ZNF397: variants seen among roughly 807,000 people sequenced by gnomAD.
ZNF397 encodes the protein zinc finger and SCAN domain-containing protein 15.
Under a neutral mutation model 50.6 loss-of-function variants are expected in ZNF397, and 38 were observed. The ratio of observed to expected loss-of-function variants is 0.75; its 90% CI spans 0.58 to 0.98. The LOEUF (loss-of-function observed/expected upper bound fraction) is 0.98, where lower values mean the gene tolerates loss of function less well. Ranked by LOEUF, ZNF397 falls within the 50% of genes least tolerant of loss-of-function variation. The pLI, the probability that ZNF397 is intolerant of heterozygous loss-of-function variation, is 0.00. For missense variants in ZNF397, 624 were observed against 624.1 expected (o/e 1.00, Z 0.00); for synonymous variants, 228 against 215.2 (o/e 1.06, Z -0.52).
At position 35,242,899 on chromosome 18, in the gene ZNF397, A is replaced by T. The variant is rs377389624; in HGVS notation, c.414+15A>T. 3 of 1,583,322 alleles carry T rather than the reference A, an allele frequency of 1.9e-6. No individual in the cohort carries two copies. Among genetic ancestry groups the T allele is most frequent in the Non-Finnish European group, 2.6e-6 (3 of 1,165,706 alleles). ...CAGGGCAGCAGGTGGGAACGGAGAA[A>T]AGTGATGTGGGAAAAGGAATTTACA... is the stretch of plus-strand genomic sequence containing the variant. On this transcript the variant is annotated intron_variant, in intron 2 of 3. Transcript: ENST00000330501.
At chr18:35,254,079 A>T (rs2043700028), downstream of ZNF397, 4 of 1,613,994 alleles carry the variant, frequency 2.5e-6, no homozygotes, top group African/African-American at 5.3e-5. Flanking sequence ...ATATCATTTG[A>T]ATTCATACTG....
chr18:35,252,119 G>C (rs1436300094), downstream of ZNF397: 2 of 152,186 alleles, frequency 1.3e-5, no homozygotes, highest in African/African-American at 4.8e-5. Context: ...CATAAAGCCT[G>C]GCTCAGAATC....
At position 35,245,709 on chromosome 18, in the gene ZNF397, A is replaced by C; in HGVS notation, c.1004A>C (p.His335Pro). The C allele has an allele frequency of 6.4e-7, 1 of 1,552,190 alleles. No individual in the cohort carries two copies. The highest frequency in any genetic ancestry group is 8.7e-7 in the Non-Finnish European group (1 of 1,147,210). The change falls in exon 4 of 4, where the codon CAT becomes CCT. Residue 335 changes from histidine (H) to proline (P), a missense_variant. Transcript: ENST00000330501. Reference sequence around the variant, plus strand: ...TATCTTATTATTCATCAGAGAATTCATAGTGGTGAGAAAGCATATGAATGT... The same window carrying C: ...TATCTTATTATTCATCAGAGAATTCCTAGTGGTGAGAAAGCATATGAATGT... ...RSYLIIHQRI[H>P]SGEKAYECSE...
Position 35,246,276 on chromosome 18 carries a change from T to TCAAAGAGTCCACAC in ZNF397, c.1571_1572insCAAAGAGTCCACAC (p.Met525LysfsTer14). ...AAGGCTTTCAGGCACAGATCGGTCC[T>TCAAAGAGTCCACAC]TATGCGCCATCAAAGAGTCCACACT... On this transcript the variant is annotated frameshift_variant, in exon 4 of 4. Coordinates refer to ENST00000330501, the MANE Select transcript of ZNF397 (RefSeq NM_001135178.3). LOFTEE classifies it high-confidence loss of function. 3 of 1,550,726 alleles carry TCAAAGAGTCCACAC rather than the reference T, an allele frequency of 1.9e-6. No individual in the cohort carries two copies. The highest frequency in any genetic ancestry group is 2.6e-6 in the Non-Finnish European group (3 of 1,146,606).
downstream of ZNF397, chr18:35,254,462 T>G (rs766223504): frequency 6.2e-7 from 1 of 1,603,988 alleles, no homozygotes; most frequent in Admixed American, 1.7e-5. Flanking sequence ...ACAAACTCAA[T>G]GAAATAGGTA....
intron 5 of ZNF397, among the ~76,000 whole-genome samples, chr18:35,256,708 C>A (rs1007568335): frequency 6.6e-6 from 1 of 152,084 alleles, no homozygotes; most frequent in Non-Finnish European, 1.5e-5. Context: ...ATAAGAGGCT[C>A]TTTGGAGGAG....
chr18:35,244,882 G>T (rs530763152), intron 3 of ZNF397, among the ~76,000 whole-genome samples: 1 of 151,900 alleles, frequency 6.6e-6, no homozygotes, highest in African/African-American at 2.4e-5. Context: ...GTGAGGTTGC[G>T]AAACCACTTG....
intron 3 of ZNF397, among the ~76,000 whole-genome samples, chr18:35,244,624 G>C (rs1172140739): frequency 6.6e-6 from 1 of 152,174 alleles, no homozygotes; most frequent in Admixed American, 6.5e-5. Flanking sequence ...ATCACTGGAA[G>C]AGAATGTCTC....
intron 1 of ZNF397, chr18:35,241,505 A>G (rs1013271588): frequency 3.3e-5 from 5 of 152,238 alleles, no homozygotes; most frequent in African/African-American, 9.6e-5. Flanking sequence ...ATACATTCCT[A>G]TCGATATCTC....
chr18:35,249,667 A>C lies in ZNF397; in HGVS notation c.*3357A>C, dbSNP rs1340256726. 2.0e-5 allele frequency: 3 copies of C among 149,556 alleles called. No individual in the cohort carries two copies. The highest frequency in any genetic ancestry group is 3.9e-4 in the East Asian group (2 of 5,174). 9.3% of individuals were successfully genotyped at this position (149,556 alleles called of 1,614,324 possible). A position where few individuals can be genotyped will look rare whatever the true frequency, so the allele number is the denominator to read the frequency against. The stretch of plus-strand genomic sequence containing the variant: ...GACTGTGTCTCAAAAAAAAAAAAAA[A>C]AAAAAAAAAAACACTGATGTCAATT... On this transcript the variant is annotated 3_prime_UTR_variant, in exon 4 of 4. Coordinates refer to ENST00000330501, the MANE Select transcript of ZNF397 (RefSeq NM_001135178.3).
chr18:35,245,665 G>T lies in ZNF397; in HGVS notation c.960G>T (p.Lys320Asn), dbSNP rs1418059220. 6.4e-7 allele frequency: 1 copy of T among 1,553,430 alleles called. No homozygotes were observed. The highest frequency in any genetic ancestry group is 2.0e-5 in the Admixed American group (1 of 51,078). Residue 320 changes from lysine (K) to asparagine (N), a missense_variant, in exon 4 of 4, where the codon AAG becomes AAT. Physicochemically the swap from Lys to Asn is moderately conservative, Grantham distance 94. Coordinates refer to ENST00000330501, the MANE Select transcript of ZNF397 (RefSeq NM_001135178.3). ...EKPYKCNQCG[K>N]AFSLRSYLII... is the part of the protein sequence containing the mutation. ...CCTATAAATGTAACCAGTGTGGGAAGGCCTTTAGTTTGAGGTCCTATCTTA... is the reference window on the plus strand; with the variant it reads ...CCTATAAATGTAACCAGTGTGGGAATGCCTTTAGTTTGAGGTCCTATCTTA...
At position 35,245,776 on chromosome 18, in the gene ZNF397, T is replaced by A. The variant is rs544389073; in HGVS notation, c.1071T>A (p.Ile357=). ...CTTTCAATCAGAGCTCAGCCCTCATTAGACATCGGAAAATCCATACTGGTG... is the reference window on the plus strand; with the variant it reads ...CTTTCAATCAGAGCTCAGCCCTCATAAGACATCGGAAAATCCATACTGGTG... ...GKAFNQSSAL[I]RHRKIHTGEK... The change falls in exon 4 of 4, where the codon ATT becomes ATA. Residue 357 remains isoleucine, a synonymous_variant. Transcript: ENST00000330501. 1 of 1,552,114 alleles carries A rather than the reference T, an allele frequency of 6.4e-7. No individual in the cohort carries two copies. Among genetic ancestry groups the A allele is most frequent in the African/African-American group, 1.4e-5 (1 of 73,160 alleles).
intron 3 of ZNF397, 122 bp from the exon 4 acceptor site, chr18:35,245,140 A>G: frequency 8.2e-6 from 11 of 1,336,942 alleles, no homozygotes; most frequent in East Asian, 2.6e-5. Flanking sequence ...CCAGTTGAAA[A>G]AAAAGATACT....
At chr18:35,255,883 T>C in intron 5 of ZNF397, 1 of 154,338 alleles carries the variant, frequency 6.5e-6, no homozygotes, top group Middle Eastern at 5.4e-4. Flanking sequence ...TTGCATACAA[T>C]AGAGGCATAA....
downstream of ZNF397, among the ~76,000 whole-genome samples, chr18:35,250,520 A>G (rs1250510717): frequency 4.2e-4 from 13 of 30,962 alleles, no homozygotes; most frequent in East Asian, 3.0e-3. Flanking sequence ...ATAATGTGCA[A>G]TTTAGTGTAC....
At chr18:35,243,567 A>G (rs1233430303) in intron 3 of ZNF397, 7 of 609,614 alleles carry the variant, frequency 1.1e-5, no homozygotes, top group Non-Finnish European at 1.7e-5. Flanking sequence ...GCCCCAGGAG[A>G]GGTTTCAGGT....
At chr18:35,241,561 A>G (rs985053294) in intron 1 of ZNF397, 3 of 152,220 alleles carry the variant, frequency 2.0e-5, no homozygotes, top group African/African-American at 7.2e-5. Flanking sequence ...ACAACATTTA[A>G]TACCTATTTG....
Position 35,249,404 on chromosome 18 carries a change from C to G in ZNF397, c.*3094C>G, listed in dbSNP as rs1288380951. On this transcript the variant is annotated 3_prime_UTR_variant, in exon 4 of 4. Coordinates refer to ENST00000330501, the MANE Select transcript of ZNF397 (RefSeq NM_001135178.3). ...CAGTGGCTCATGCCTGTAATCCCAG[C>G]ACTTTGGGAGGCTGAGGCGGGTGGA... The G allele has an allele frequency of 2.0e-5, 3 of 152,242 alleles. No individual in the cohort carries two copies. The highest frequency in any genetic ancestry group is 2.0e-4 in the Admixed American group (3 of 15,274). 9.4% of individuals were successfully genotyped at this position (152,242 alleles called of 1,614,324 possible).
Position 35,247,145 on chromosome 18 carries a change from T to A in ZNF397, c.*835T>A. 1 of 985,504 alleles carries A rather than the reference T, an allele frequency of 1.0e-6. No individual in the cohort carries two copies. Among genetic ancestry groups the A allele is most frequent in the Non-Finnish European group, 1.2e-6 (1 of 829,998 alleles). 61.0% of individuals were successfully genotyped at this position (985,504 alleles called of 1,614,324 possible). ...AGCATTCCTTGAGTTCCTGTTGTAG[T>A]GAGGTCTTGTCTGTCAGAGAAGTCT... is the stretch of plus-strand genomic sequence containing the variant. On this transcript the variant is annotated 3_prime_UTR_variant, in exon 4 of 4. Transcript: ENST00000330501.
Sources: gnomAD v4.1 joint callset for allele counts (sites outside exome capture counted in the v4.1 genomes callset) on GRCh38, gnomAD v4.1.1 for gene constraint, MANE v1.5 for transcripts, NCBI Gene and HGNC (gene_info 2026-07-23, HGNC 2026-07-21) for gene names.